The following PHKB variants were observed in gnomAD, a reference collection of about 807,000 sequenced individuals.
PHKB encodes phosphorylase b kinase regulatory subunit beta.
Under a neutral mutation model 152.1 loss-of-function variants are expected in PHKB, and 122 were observed. The observed-to-expected ratio is 0.80, with a 90% CI of 0.69 to 0.93. PHKB has a LOEUF of 0.93. PHKB is among the 40% of genes least tolerant of loss of function. The pLI, the probability that PHKB is intolerant of heterozygous loss-of-function variation, is 0.00. For synonymous variants in PHKB, 436 were observed against 464.9 expected, an observed-to-expected ratio of 0.94 and a Z score of 0.80; for missense variants, 1,304 against 1,328.4, an observed-to-expected ratio of 0.98 and a Z score of 0.29.
At chr16:47,631,633 C>T (rs991716475) in intron 14 of PHKB, among the ~76,000 whole-genome samples, 1 of 152,180 alleles carries the variant, frequency 6.6e-6, no homozygotes, top group Non-Finnish European at 1.5e-5. Context: ...CCGCTAGCCT[C>T]CCACCCTCCG....
intron 14 of PHKB, among the ~76,000 whole-genome samples, chr16:47,633,380 G>A (rs1165802759): frequency 6.6e-6 from 1 of 152,098 alleles, no homozygotes; most frequent in Non-Finnish European, 1.5e-5. Flanking sequence ...AGTGCAAGGT[G>A]GTTCCTACAT....
At chr16:47,631,217 T>C (rs573245871) in intron 14 of PHKB, among the ~76,000 whole-genome samples, 4 of 152,322 alleles carry the variant, frequency 2.6e-5, no homozygotes, top group Admixed American at 1.3e-4. Flanking sequence ...AAATACGTAC[T>C]GTGACATGTG....
chr16:47,545,015 A>G (rs2151670809), intron 6 of PHKB, among the ~76,000 whole-genome samples: 1 of 152,168 alleles, frequency 6.6e-6, no homozygotes, highest in East Asian at 1.9e-4. Flanking sequence ...TCTCCTGAGT[A>G]CAGCATACTG....
Position 47,693,547 on chromosome 16 carries a change from G to A in PHKB, c.2895+40G>A, listed in dbSNP as rs190581841. 1.6e-4 allele frequency: 251 copies of A among 1,607,876 alleles called. No individual in the cohort carries two copies. The African/African-American group carries it at 1.8e-3, about 12-fold the overall frequency. ...TGTTCACATAAAGAAAGGAGACTTC[G>A]CAAAGGGTAGTGAATCCTTTCCTCT... On this transcript the variant is annotated intron_variant, in intron 28 of 30. Transcript: ENST00000323584.
At chr16:47,552,086 G>T (rs558756027) in intron 7 of PHKB, among the ~76,000 whole-genome samples, 1 of 151,874 alleles carries the variant, frequency 6.6e-6, no homozygotes, top group Non-Finnish European at 1.5e-5. Flanking sequence ...TCCTCCATCC[G>T]TTTATTTTGA....
At position 47,650,923 on chromosome 16, in the gene PHKB, T is replaced by C. The variant is rs1973226471; in HGVS notation, c.1971+2T>C. 1 of 1,601,738 alleles carries C rather than the reference T, an allele frequency of 6.2e-7. No homozygotes were observed. ...AAAGTTCATGTGGATCGTCTACAGG[T>C]AGCCTTCTGATTTTCAGTATGCATC... On this transcript the variant is annotated splice_donor_variant, in intron 20 of 30. Transcript: ENST00000323584. LOFTEE classifies it high-confidence loss of function.
intron 26 of PHKB, among the ~76,000 whole-genome samples, chr16:47,670,195 A>G (rs1196585511): frequency 6.6e-6 from 1 of 152,224 alleles, no homozygotes; most frequent in African/African-American, 2.4e-5. Flanking sequence ...AGTATGTCCT[A>G]TTGTAAAAGA....
At chr16:47,461,490 C>T (rs1478946083) in intron 1 of PHKB, 64 bp downstream of exon 1, 4 of 1,553,824 alleles carry the variant, frequency 2.6e-6, no homozygotes, top group East Asian at 2.2e-5. Flanking sequence ...CCTCAAGCGC[C>T]TTGGCGGGAG....
Position 47,598,979 on chromosome 16 carries a change from T to C in PHKB, c.1363+2448T>C, listed in dbSNP as rs1202117009. ...CACACAGCCAATCCCACAAGGCCAG[T>C]GGTCTTCTTCAGCACACCCTCCCTG... is the stretch of plus-strand genomic sequence containing the variant. On this transcript the variant is annotated intron_variant, in intron 13 of 30. Transcript: ENST00000323584. 6 of 1,211,400 alleles carry C rather than the reference T, an allele frequency of 5.0e-6. No individual in the cohort carries two copies. In the East Asian group the frequency reaches 1.4e-4, roughly 28 times the overall value. 75.0% of individuals were successfully genotyped at this position (1,211,400 alleles called of 1,614,324 possible). A position where few individuals can be genotyped will look rare whatever the true frequency, so the allele number is the denominator to read the frequency against.
chr16:47,656,942 T>C (rs16945460), intron 20 of PHKB, among the ~76,000 whole-genome samples: 10,375 of 152,190 alleles, frequency 0.068, 572 homozygotes, highest in African/African-American at 0.15. Flanking sequence ...TAATTGGAGA[T>C]TTTTCCCCTC....
chr16:47,575,839 G>A (rs934824936), intron 7 of PHKB, among the ~76,000 whole-genome samples: 1 of 152,206 alleles, frequency 6.6e-6, no homozygotes, highest in Non-Finnish European at 1.5e-5. Flanking sequence ...CACTTTGGGA[G>A]GCCGAGACAG....
intron 13 of PHKB, among the ~76,000 whole-genome samples, chr16:47,600,811 C>T (rs1394208366): frequency 2.0e-5 from 3 of 152,190 alleles, no homozygotes; most frequent in African/African-American, 7.2e-5. Context: ...TCTTATGGGA[C>T]ATCTTTATGC....
At chr16:47,627,891 T>TG (rs1346771025) in intron 14 of PHKB, among the ~76,000 whole-genome samples, 3 of 152,154 alleles carry the variant, frequency 2.0e-5, no homozygotes, top group Admixed American at 6.5e-5. Flanking sequence ...GGAAAAATAC[T>TG]GGGGGTGCAG....
chr16:47,606,742 A>G (rs1972331900), intron 13 of PHKB, among the ~76,000 whole-genome samples: 1 of 152,120 alleles, frequency 6.6e-6, no homozygotes, highest in African/African-American at 2.4e-5. Context: ...CCTCCCCTGC[A>G]TGTTCTCTTC....
chr16:47,621,444 A>G (rs931779451), intron 14 of PHKB, among the ~76,000 whole-genome samples: 1 of 152,128 alleles, frequency 6.6e-6, no homozygotes, highest in Non-Finnish European at 1.5e-5. Context: ...GTTTTTAAAG[A>G]TTTATTAGTC....
chr16:47,642,297 C>G (rs2151726966), intron 16 of PHKB, among the ~76,000 whole-genome samples: 1 of 152,260 alleles, frequency 6.6e-6, no homozygotes, highest in South Asian at 2.1e-4. Flanking sequence ...AAAGTAACAT[C>G]TGTATTTATC....
chr16:47,537,872 T>TTC (rs34841624), intron 6 of PHKB, among the ~76,000 whole-genome samples: 5,786 of 143,390 alleles, frequency 0.04, 115 homozygotes, highest in African/African-American at 0.047. Flanking sequence ...ACGTGGAAAA[T>TTC]TCTCTCTCTC....
intron 14 of PHKB, among the ~76,000 whole-genome samples, chr16:47,616,602 AT>A (rs1376294838): frequency 2.1e-5 from 3 of 146,160 alleles, no homozygotes; most frequent in African/African-American, 5.0e-5. Context: ...AATATATAAT[AT>A]TTTACATATA....
intron 1 of PHKB, among the ~76,000 whole-genome samples, chr16:47,490,650 T>C (rs932820709): frequency 4.6e-5 from 7 of 152,228 alleles, no homozygotes; most frequent in African/African-American, 1.7e-4. Flanking sequence ...CTGTTAAATA[T>C]GTTAGAGGAT....
Sources: allele counts gnomAD v4.1 joint callset (sites outside exome capture counted in the v4.1 genomes callset), GRCh38; gene constraint gnomAD v4.1.1; transcripts MANE v1.5; gene names NCBI Gene and HGNC (gene_info 2026-07-23, HGNC 2026-07-21).